CHCHD2: variants seen among roughly 807,000 people sequenced by gnomAD.
The protein encoded by CHCHD2 is coiled-coil-helix-coiled-coil-helix domain containing 2.
In CHCHD2, 17 loss-of-function variants were observed where a neutral mutation model predicts 17.5. The observed-to-expected ratio is 0.97, with a 90% CI of 0.67 to 1.46. CHCHD2 has a LOEUF of 1.46. CHCHD2 is among the 40% of genes most tolerant of loss of function. The pLI, the probability that CHCHD2 is intolerant of heterozygous loss-of-function variation, is 0.00. For synonymous variants in CHCHD2, 63 were observed against 74.3 expected, an observed-to-expected ratio of 0.85 and a Z score of 0.78; for missense variants, 175 against 199.9, an observed-to-expected ratio of 0.88 and a Z score of 0.75.
chr7:56,104,248 G>A lies in CHCHD2; in HGVS notation c.278C>T (p.Ala93Val), dbSNP rs748182315. Reference sequence around the variant, plus strand: ...CACCTGGTAAGTGATGTCAGGCCTCGCAGGCTCAGCATTACTTCCTCCACT... The same window carrying A: ...CACCTGGTAAGTGATGTCAGGCCTCACAGGCTCAGCATTACTTCCTCCACT... ...GFSGGSNAEPARPDITYQEPQ... is the reference protein window; with the variant it reads ...GFSGGSNAEPVRPDITYQEPQ... The change falls in exon 2 of 4, where the codon GCG (alanine) becomes GTG (valine). Residue 93 changes from alanine (A) to valine (V), a missense_variant. Physicochemically the swap from Ala to Val is moderately conservative, Grantham distance 64. Transcript: ENST00000395422. 8.1e-6 allele frequency: 13 copies of A among 1,613,186 alleles called. No individual in the cohort carries two copies. The highest frequency in any genetic ancestry group is 5.3e-5 in the African/African-American group (4 of 74,902).
intron 1 of CHCHD2, among the ~76,000 whole-genome samples, chr7:56,105,181 G>A (rs1034877288): frequency 2.6e-5 from 4 of 152,168 alleles, no homozygotes; most frequent in African/African-American, 9.7e-5. Flanking sequence ...AAAGTGTTGG[G>A]ATTACAGGCA....
chr7:56,105,241 C>T (rs1251410761), intron 1 of CHCHD2, among the ~76,000 whole-genome samples: 1 of 152,166 alleles, frequency 6.6e-6, no homozygotes, highest in African/African-American at 2.4e-5. Flanking sequence ...TAGTAATAGC[C>T]TAGGACATAC....
Position 56,104,213 on chromosome 7 carries a change from C to A in CHCHD2, c.300+13G>T, listed in dbSNP as rs760938248. 1 of 1,610,738 alleles carries A rather than the reference C, an allele frequency of 6.2e-7. No homozygotes were observed. Among genetic ancestry groups the A allele is most frequent in the Non-Finnish European group, 8.5e-7 (1 of 1,177,128 alleles). On this transcript the variant is annotated intron_variant, in intron 2 of 3. Coordinates refer to ENST00000395422, the MANE Select transcript of CHCHD2 (RefSeq NM_016139.4). ...ATCCACCCATGGAAGGGAAATGCTGCCTAAATTCCCACCTGGTAAGTGATG... is the reference window on the plus strand; with the variant it reads ...ATCCACCCATGGAAGGGAAATGCTGACTAAATTCCCACCTGGTAAGTGATG...
In CHCHD2 at chr7:56,102,857, A is replaced by G; in HGVS notation, c.445+10T>C. On this transcript the variant is annotated intron_variant, in intron 3 of 3. Transcript: ENST00000395422. ...GAATTAAGCAGATGTAAATTGGACA[A>G]ATTACCTACCGTTTGCAAGTCGGCA... 1 of 1,613,890 alleles carries G rather than the reference A, an allele frequency of 6.2e-7. No individual in the cohort carries two copies. The highest frequency in any genetic ancestry group is 1.1e-5 in the South Asian group (1 of 91,062).
intron 2 of CHCHD2, among the ~76,000 whole-genome samples, chr7:56,103,442 T>G (rs866696302): frequency 7.2e-5 from 11 of 152,230 alleles, no homozygotes; most frequent in Middle Eastern, 6.8e-3. Context: ...AGACTCCACC[T>G]CCAAAAAAGA....
intron 2 of CHCHD2, 29 bp downstream of exon 2, chr7:56,104,197 T>C (rs1369094060): frequency 6.8e-6 from 11 of 1,607,860 alleles, no homozygotes; most frequent in Non-Finnish European, 8.5e-6. Flanking sequence ...AATCCACCCA[T>C]GGAAGGGAAA....
chr7:56,105,360 A>G (rs892289927), intron 1 of CHCHD2, among the ~76,000 whole-genome samples: 5 of 152,268 alleles, frequency 3.3e-5, no homozygotes, highest in African/African-American at 1.2e-4. Context: ...AAAAGTTAGA[A>G]AGATTCTTAC....
intron 1 of CHCHD2, 114 bp from the exon 2 acceptor site, chr7:56,104,589 T>C (rs1452693553): frequency 8.3e-7 from 1 of 1,199,182 alleles, no homozygotes; most frequent in Middle Eastern, 3.0e-4. Context: ...TTTCAAATTA[T>C]TTACATCATT....
chr7:56,104,612 T>G (rs1370683314), intron 1 of CHCHD2, 137 bp from the exon 2 acceptor site: 2 of 565,286 alleles, frequency 3.5e-6, no homozygotes, highest in Admixed American at 9.5e-5. Flanking sequence ...CTCTCTTCAA[T>G]TTTTTTTTTT....
Position 56,104,382 on chromosome 7 carries a change from A to G in CHCHD2, c.144T>C (p.Ala48=), listed in dbSNP as rs775691033. 3.7e-6 allele frequency: 6 copies of G among 1,612,142 alleles called. No homozygotes were observed. The highest frequency in any genetic ancestry group is 3.3e-5 in the Admixed American group (2 of 59,926). The change falls in exon 2 of 4, where the codon GCT becomes GCC. Residue 48 remains alanine, a synonymous_variant. Coordinates refer to ENST00000395422, the MANE Select transcript of CHCHD2 (RefSeq NM_016139.4). ...APPSAVGSSA[A]APRQPGLMAQ... Reference sequence around the variant, plus strand: ...CCATCAGACCTGGCTGCCGGGGCGCAGCAGCAGAAGAGCCAACTGCAGATG... The same window carrying G: ...CCATCAGACCTGGCTGCCGGGGCGCGGCAGCAGAAGAGCCAACTGCAGATG...
chr7:56,103,977 T>G (rs1009281515), intron 2 of CHCHD2, among the ~76,000 whole-genome samples: 1 of 152,230 alleles, frequency 6.6e-6, no homozygotes, highest in Non-Finnish European at 1.5e-5. Flanking sequence ...GAAAAGTGGT[T>G]GTTTTACAGT....
chr7:56,102,427 C>T (rs1193670594), intron 3 of CHCHD2, among the ~76,000 whole-genome samples: 2 of 151,434 alleles, frequency 1.3e-5, no homozygotes, highest in Non-Finnish European at 2.9e-5. Context: ...AATGCAGTGG[C>T]AGGATCTTGG....
intron 2 of CHCHD2, among the ~76,000 whole-genome samples, chr7:56,103,375 G>C (rs374663351): frequency 2.6e-5 from 4 of 152,188 alleles, no homozygotes; most frequent in Non-Finnish European, 5.9e-5. Context: ...AGCTACTCGG[G>C]AGGCTGAGGC....
intron 3 of CHCHD2, 116 bp downstream of exon 3, chr7:56,102,751 T>C: frequency 9.0e-7 from 1 of 1,108,236 alleles, no homozygotes; most frequent in South Asian, 1.5e-5. Context: ...GAGTTAATTC[T>C]AGAGAAATTT....
chr7:56,106,146 C>T (rs1785379438), intron 1 of CHCHD2, among the ~76,000 whole-genome samples: 1 of 152,198 alleles, frequency 6.6e-6, no homozygotes. Context: ...AACGTTATGC[C>T]TTTCCCGTTG....
At chr7:56,102,314 T>TC (rs905414311) in intron 3 of CHCHD2, among the ~76,000 whole-genome samples, 216 of 152,076 alleles carry the variant, frequency 1.4e-3, no homozygotes, top group African/African-American at 4.9e-3. Flanking sequence ...CATCCAGTAA[T>TC]CACAGTAAGA....
intron 1 of CHCHD2, 144 bp downstream of exon 1, chr7:56,106,220 C>G (rs1047688111): frequency 4.5e-6 from 3 of 669,022 alleles, no homozygotes; most frequent in Non-Finnish European, 7.5e-6. Context: ...ATAGGCTTTA[C>G]GTTCAATCTA....
At chr7:56,105,277 A>G (rs1287968761) in intron 1 of CHCHD2, among the ~76,000 whole-genome samples, 7 of 152,192 alleles carry the variant, frequency 4.6e-5, no homozygotes, top group Admixed American at 6.5e-5. Context: ...CTTTGCAACA[A>G]TTTCCATGTA....
In CHCHD2 at chr7:56,101,656, A is replaced by T; in HGVS notation, c.*195T>A. Reference sequence around the variant, plus strand: ...GCTAGTTTAAGGAGGCCACACAAACATTTGCCCAGTCCCAGATTCTACAGA... The same window carrying T: ...GCTAGTTTAAGGAGGCCACACAAACTTTTGCCCAGTCCCAGATTCTACAGA... On this transcript the variant is annotated 3_prime_UTR_variant, in exon 4 of 4. Coordinates refer to ENST00000395422, the MANE Select transcript of CHCHD2 (RefSeq NM_016139.4). 1 of 532,002 alleles carries T rather than the reference A, an allele frequency of 1.9e-6. No individual in the cohort carries two copies. Among genetic ancestry groups the T allele is most frequent in the Non-Finnish European group, 3.4e-6 (1 of 293,378 alleles). The allele number at this position is 532,002 out of a possible 1,614,324, so 33.0% of individuals were successfully genotyped here.
Sources: allele counts gnomAD v4.1 joint callset (sites outside exome capture counted in the v4.1 genomes callset), GRCh38; gene constraint gnomAD v4.1.1; transcripts MANE v1.5; gene names NCBI Gene and HGNC (gene_info 2026-07-23, HGNC 2026-07-21).